MARCHF6: variants seen among roughly 807,000 people sequenced by gnomAD.
MARCHF6 encodes E3 ubiquitin-protein ligase MARCHF6.
In MARCHF6, 31 loss-of-function variants were observed where a neutral mutation model predicts 133.7. That is an observed-to-expected ratio of 0.23 (90% CI 0.17 to 0.31). MARCHF6 has a LOEUF of 0.31. MARCHF6 is among the 10% of genes least tolerant of loss of function. The probability of loss-of-function intolerance (pLI) is 1.00; values close to 1 mark genes in which losing one functional copy is unlikely to be tolerated. For missense variants in MARCHF6, 723 were observed against 1,121.6 expected (o/e 0.64, Z 5.08); for synonymous variants, 395 against 402.5 (o/e 0.98, Z 0.22).
At chr5:10,402,639 A>G (rs1433569840) in intron 14 of MARCHF6, 32 bp downstream of exon 14, 1 of 1,534,910 alleles carries the variant, frequency 6.5e-7, no homozygotes, top group Admixed American at 1.7e-5. Context: ...GTATAATAGC[A>G]TAATTTAAGG....
At chr5:10,388,681 A>G (rs979636122) in intron 5 of MARCHF6, among the ~76,000 whole-genome samples, 2 of 152,092 alleles carry the variant, frequency 1.3e-5, no homozygotes, top group African/African-American at 4.8e-5. Flanking sequence ...CTTATCTTCT[A>G]AAAGGCTAGT....
In MARCHF6 at chr5:10,401,013, T is replaced by G. The variant is rs934459135; in HGVS notation, c.972+171T>G. The G allele has an allele frequency of 3.8e-5, 21 of 557,808 alleles. No individual in the cohort carries two copies. The East Asian group carries it at 6.0e-4, about 16-fold the overall frequency. The allele number at this position is 557,808 out of a possible 1,614,324, so 34.6% of individuals were successfully genotyped here. ...AAAAAAATAACAGTGGCTCAAGAGA[T>G]AGTGGTCATGTTGCCAACTAATGAA... On this transcript the variant is annotated intron_variant, in intron 11 of 25. Transcript: ENST00000274140.
chr5:10,426,666 A>T (rs1173910591), intron 24 of MARCHF6, 144 bp downstream of exon 24: 1 of 907,164 alleles, frequency 1.1e-6, no homozygotes, highest in Non-Finnish European at 1.6e-6. Context: ...TCAAAATACC[A>T]CTTTTCTTAG....
rs1329677706 is a variant in MARCHF6, at chr5:10,440,187, G to C, written c.*6503G>C. On this transcript the variant is annotated 3_prime_UTR_variant, in exon 26 of 26. Transcript: ENST00000274140. ...ACTGTATTCCCAGAACAATTCCCTG[G>C]CAAATATTTGGTACTCAATAGTAAT... 4 of 152,002 alleles carry C rather than the reference G, an allele frequency of 2.6e-5. No individual in the cohort carries two copies. The highest frequency in any genetic ancestry group is 9.7e-5 in the African/African-American group (4 of 41,354). The allele number at this position is 152,002 out of a possible 1,614,324, so 9.4% of individuals were successfully genotyped here.
intron 1 of MARCHF6, among the ~76,000 whole-genome samples, chr5:10,360,939 G>C (rs548269626): frequency 6.6e-6 from 1 of 152,274 alleles, no homozygotes; most frequent in African/African-American, 2.4e-5. Flanking sequence ...GCTTACTTTA[G>C]TGGGTTTTAC....
At chr5:10,417,146 C>A in intron 21 of MARCHF6, 124 bp from the exon 22 acceptor site, 1 of 1,078,376 alleles carries the variant, frequency 9.3e-7, no homozygotes, top group Non-Finnish European at 1.3e-6. Context: ...TAAAACCAGT[C>A]CCCGTGGATA....
At chr5:10,433,010 C>G (rs1274880694) in intron 25 of MARCHF6, among the ~76,000 whole-genome samples, 1 of 149,398 alleles carries the variant, frequency 6.7e-6, no homozygotes, top group African/African-American at 2.5e-5. Flanking sequence ...TTCAGCAGTT[C>G]TTCTGCCTCA....
chr5:10,377,628 T>TA (rs780530241), intron 1 of MARCHF6, among the ~76,000 whole-genome samples, 170 bp from the exon 2 acceptor site: 30 of 152,364 alleles, frequency 2.0e-4, no homozygotes, highest in Non-Finnish European at 3.8e-4. Context: ...TAGTTTTAGA[T>TA]AAACACTTGA....
chr5:10,353,804 T>C lies in MARCHF6; in HGVS notation c.-95T>C. On this transcript the variant is annotated 5_prime_UTR_variant, in exon 1 of 26. Coordinates refer to ENST00000274140, the MANE Select transcript of MARCHF6 (RefSeq NM_005885.4). ...TCTCTCGCACCTGAGCGTACGCACC[T>C]GCCCGGGCCCGGCTCCCTCCTCCTC... 1 of 1,116,074 alleles carries C rather than the reference T, an allele frequency of 9.0e-7. No individual in the cohort carries two copies. Among genetic ancestry groups the C allele is most frequent in the Non-Finnish European group, 1.3e-6 (1 of 790,762 alleles). 69.1% of individuals were successfully genotyped at this position (1,116,074 alleles called of 1,614,324 possible).
intron 1 of MARCHF6, among the ~76,000 whole-genome samples, chr5:10,358,668 A>G (rs1355325015): frequency 6.6e-6 from 1 of 152,190 alleles, no homozygotes; most frequent in Non-Finnish European, 1.5e-5. Flanking sequence ...TTTTTTCTTC[A>G]ATAAATATAT....
intron 22 of MARCHF6, 62 bp downstream of exon 22, chr5:10,417,466 AGC>A: frequency 1.2e-6 from 2 of 1,603,384 alleles, no homozygotes; most frequent in South Asian, 2.2e-5. Context: ...AAATAATCCT[AGC>A]CAGGCATGGG....
intron 8 of MARCHF6, 77 bp from the exon 9 acceptor site, chr5:10,394,676 A>G: frequency 8.7e-7 from 1 of 1,148,182 alleles, no homozygotes; most frequent in Non-Finnish European, 1.3e-6. Flanking sequence ...TTGAAAGGAA[A>G]ATGAGGCTTT....
At chr5:10,433,470 GGACTCCC>G (rs1740466941) in intron 25 of MARCHF6, 117 bp from the exon 26 acceptor site, 1 of 697,264 alleles carries the variant, frequency 1.4e-6, no homozygotes, top group Non-Finnish European at 2.6e-6. Flanking sequence ...TGTTCACTCG[GGACTCCC>G]TTTGACTTGC....
intron 22 of MARCHF6, among the ~76,000 whole-genome samples, chr5:10,419,190 T>G (rs1355032288): frequency 6.6e-6 from 1 of 152,214 alleles, no homozygotes. Flanking sequence ...CGATACACAT[T>G]CAGCAGAAAC....
rs563354451 is a variant in MARCHF6 at position 10,353,744 on chromosome 5, C to T, written c.-155C>T. On this transcript the variant is annotated 5_prime_UTR_variant, in exon 1 of 26. Coordinates refer to ENST00000274140, the MANE Select transcript of MARCHF6 (RefSeq NM_005885.4). The stretch of plus-strand genomic sequence containing the variant: ...TCGCTCGCTTTCTGTCAGCCTCTCT[C>T]CCTCTCCCTCTCCCCTCTCCTTCCT... 188 of 448,068 alleles carry T rather than the reference C, an allele frequency of 4.2e-4. No homozygotes were observed. Among genetic ancestry groups the T allele is most frequent in the Non-Finnish European group, 6.7e-4 (161 of 238,628 alleles). 27.8% of individuals were successfully genotyped at this position (448,068 alleles called of 1,614,324 possible). A position where few individuals can be genotyped will look rare whatever the true frequency, so the allele number is the denominator to read the frequency against.
intron 1 of MARCHF6, among the ~76,000 whole-genome samples, chr5:10,370,749 CAAAG>C (rs1405472100): frequency 6.6e-6 from 1 of 151,904 alleles, no homozygotes; most frequent in African/African-American, 2.4e-5. Context: ...AGATAGTTCA[CAAAG>C]AAAGAGAACT....
intron 1 of MARCHF6, among the ~76,000 whole-genome samples, chr5:10,366,649 G>A (rs1288648714): frequency 6.6e-6 from 1 of 152,190 alleles, no homozygotes; most frequent in African/African-American, 2.4e-5. Context: ...CCTGCTTCTA[G>A]GGAGCAAAGG....
At chr5:10,387,722 G>A (rs972369614) in intron 5 of MARCHF6, among the ~76,000 whole-genome samples, 17 of 152,142 alleles carry the variant, frequency 1.1e-4, no homozygotes, top group Non-Finnish European at 2.4e-4. Context: ...CTGGGGTAGG[G>A]TGCAGTGGTG....
At chr5:10,378,003 T>A in intron 2 of MARCHF6, 109 bp downstream of exon 2, 1 of 662,440 alleles carries the variant, frequency 1.5e-6, no homozygotes. Context: ...TTTAAAAGTT[T>A]TATTGTATTT....
Sources: allele counts gnomAD v4.1 joint callset (sites outside exome capture counted in the v4.1 genomes callset), GRCh38; gene constraint gnomAD v4.1.1; transcripts MANE v1.5; gene names NCBI Gene and HGNC (gene_info 2026-07-23, HGNC 2026-07-21).